PRKCD: variants seen among roughly 807,000 people sequenced by gnomAD.
PRKCD encodes the protein protein kinase C delta type.
A neutral mutation model predicts 82.2 loss-of-function variants in PRKCD; 20 were observed. That is an observed-to-expected ratio of 0.24 (90% CI 0.17 to 0.35). The LOEUF (loss-of-function observed/expected upper bound fraction) is 0.35, where lower values mean the gene tolerates loss of function less well. Among genes scored for constraint, PRKCD ranks in the 10% least tolerant of loss-of-function variants. The pLI, the probability that PRKCD is intolerant of heterozygous loss-of-function variation, is 1.00. For missense variants in PRKCD, 607 were observed against 899.0 expected (o/e 0.68, Z 4.15); for synonymous variants, 317 against 337.0 (o/e 0.94, Z 0.65).
At chr3:53,183,019 T>TG (rs1703508378) in intron 7 of PRKCD, 102 bp from the exon 8 acceptor site, 1 of 1,184,996 alleles carries the variant, frequency 8.4e-7, no homozygotes, top group Non-Finnish European at 1.2e-6. Context: ...AGGAGAACGG[T>TG]GGCTTTGTGT....
intron 4 of PRKCD, among the ~76,000 whole-genome samples, chr3:53,180,439 G>A (rs1217265463): frequency 2.0e-5 from 3 of 152,238 alleles, no homozygotes; most frequent in African/African-American, 7.2e-5. Flanking sequence ...ACTTGGCCAT[G>A]TGCAGCTGTG....
In PRKCD at chr3:53,178,551, C is replaced by T; in HGVS notation, c.115+14C>T. 1.2e-6 allele frequency: 2 copies of T among 1,605,834 alleles called. No homozygotes were observed. The highest frequency in any genetic ancestry group is 1.7e-6 in the Non-Finnish European group (2 of 1,175,270). On this transcript the variant is annotated intron_variant, in intron 3 of 18. Coordinates refer to ENST00000330452, the MANE Select transcript of PRKCD (RefSeq NM_006254.4). ...CGCTCAGCACAGGTAGGCCTGGAGGCTGGACCCTGGAGAGGGGCTGGGAAT... is the reference window on the plus strand; with the variant it reads ...CGCTCAGCACAGGTAGGCCTGGAGGTTGGACCCTGGAGAGGGGCTGGGAAT...
intron 7 of PRKCD, chr3:53,182,060 A>G (rs1300825279): frequency 4.2e-6 from 2 of 481,290 alleles, no homozygotes; most frequent in Non-Finnish European, 8.0e-6. Flanking sequence ...TAGGTCCTTT[A>G]CTGGCACATA....
At chr3:53,173,204 T>C (rs1703097491) in intron 2 of PRKCD, among the ~76,000 whole-genome samples, 2 of 152,228 alleles carry the variant, frequency 1.3e-5, no homozygotes, top group African/African-American at 4.8e-5. Flanking sequence ...CACGTGTGGA[T>C]GTGCAGCACA....
rs1437451277 is a variant in PRKCD, at chr3:53,178,512, G to T, written c.90G>T (p.Val30=). 1 of 1,613,210 alleles carries T rather than the reference G, an allele frequency of 6.2e-7. No individual in the cohort carries two copies. The highest frequency in any genetic ancestry group is 8.5e-7 in the Non-Finnish European group (1 of 1,179,840). The part of the protein sequence containing the change: ...EDEANQPFCA[V]KMKEALSTER... Reference sequence around the variant, plus strand: ...AGGCGAACCAGCCCTTCTGTGCCGTGAAGATGAAGGAGGCGCTCAGCACAG... The same window carrying T: ...AGGCGAACCAGCCCTTCTGTGCCGTTAAGATGAAGGAGGCGCTCAGCACAG... Residue 30 remains valine (V), a synonymous_variant, in exon 3 of 19, where the codon GTG becomes GTT. Transcript: ENST00000330452.
intron 2 of PRKCD, chr3:53,173,569 C>A (rs1162824399): frequency 6.6e-6 from 1 of 152,074 alleles, no homozygotes; most frequent in African/African-American, 2.4e-5. Context: ...GCAACCTCTA[C>A]CTCCCGGGTT....
intron 1 of PRKCD, among the ~76,000 whole-genome samples, chr3:53,162,818 T>C (rs1702718071): frequency 6.6e-6 from 1 of 151,872 alleles, no homozygotes; most frequent in Admixed American, 6.6e-5. Flanking sequence ...GTACGTTAGA[T>C]CTGTTAATTG....
chr3:53,182,063 G>A, intron 7 of PRKCD: 1 of 470,552 alleles, frequency 2.1e-6, no homozygotes, highest in Non-Finnish European at 4.1e-6. Context: ...GTCCTTTACT[G>A]GCACATAGTG....
chr3:53,186,278 G>A lies in PRKCD; in HGVS notation c.1198G>A (p.Val400Met). Residue 400 changes from valine (V) to methionine (M), a missense_variant, in exon 13 of 19, where the codon GTG becomes ATG. By Grantham distance (21) the Val-to-Met change is conservative. Transcript: ENST00000330452. ...DVECTMVEKR[V>M]LTLAAENPFL... is the part of the protein sequence containing the mutation. ...GGAGTGCACCATGGTTGAGAAGCGG[G>A]TGCTGACACTTGCCGCAGAGAATCC... The A allele has an allele frequency of 6.2e-7, 1 of 1,614,160 alleles. No individual in the cohort carries two copies. Among genetic ancestry groups the A allele is most frequent in the Non-Finnish European group, 8.5e-7 (1 of 1,180,020 alleles).
In PRKCD at chr3:53,192,215, C is replaced by T. The variant is rs2230497; in HGVS notation, c.1980C>T (p.Phe660=). Residue 660 remains phenylalanine (F), a synonymous_variant, in exon 19 of 19, where the codon TTC becomes TTT. Transcript: ENST00000330452. ...TCGACTCCATGGACCAGTCTGCATT[C>T]GCTGGCTTCTCCTTTGTGAACCCCA... The part of the protein sequence containing the change: ...NLIDSMDQSA[F]AGFSFVNPKF... 35 of 1,614,148 alleles carry T rather than the reference C, an allele frequency of 2.2e-5. No individual in the cohort carries two copies. In the African/African-American group the frequency reaches 2.9e-4, roughly 14 times the overall value.
chr3:53,163,632 C>A (rs1423727381), intron 1 of PRKCD, among the ~76,000 whole-genome samples: 1 of 152,104 alleles, frequency 6.6e-6, no homozygotes, highest in East Asian at 1.9e-4. Flanking sequence ...TCCTTTAACA[C>A]AATCTTGGCC....
In PRKCD at chr3:53,188,611, C is replaced by A. The variant is rs1326097135; in HGVS notation, c.1416-109C>A. The A allele has an allele frequency of 2.9e-6, 4 of 1,396,796 alleles. No individual in the cohort carries two copies. In the Admixed American group the frequency reaches 6.1e-5, roughly 21 times the overall value. 86.5% of individuals were successfully genotyped at this position (1,396,796 alleles called of 1,614,324 possible). ...CTTTTCTGTTTCTCATTCCCTTGTA[C>A]CCTTGGGGACAGTCCTGGACTAATA... is the stretch of plus-strand genomic sequence containing the variant. On this transcript the variant is annotated intron_variant, in intron 15 of 18. Transcript: ENST00000330452.
chr3:53,185,033 C>G, intron 10 of PRKCD, 59 bp downstream of exon 10: 2 of 1,448,808 alleles, frequency 1.4e-6, no homozygotes, highest in South Asian at 2.3e-5. Context: ...ACAGTCAAGG[C>G]TTACAGCCAC....
At chr3:53,166,574 ACACT>A (rs1221599154) in intron 2 of PRKCD, among the ~76,000 whole-genome samples, 1 of 152,218 alleles carries the variant, frequency 6.6e-6, no homozygotes, top group East Asian at 1.9e-4. Flanking sequence ...CACCCATGGC[ACACT>A]CACACACACA....
rs1327842167 is a variant in PRKCD, at chr3:53,179,711, G to A, written c.250G>A (p.Val84Met). 8 of 1,606,234 alleles carry A rather than the reference G, an allele frequency of 5.0e-6. No homozygotes were observed. Among genetic ancestry groups the A allele is most frequent in the South Asian group, 1.1e-5 (1 of 89,998 alleles). Residue 84 changes from valine to methionine, a missense_variant, in exon 4 of 19, where the codon GTG becomes ATG. Val to Met is a conservative substitution (Grantham distance 21, BLOSUM62 1). Transcript: ENST00000330452. ...GGCAGCAGAGGAGCCAGTGTCTGAG[G>A]TGACCGTGGGTGTGTCGGTGCTGGC... The part of the protein sequence containing the change: ...MRAAEEPVSE[V>M]TVGVSVLAER...
At position 53,178,512 on chromosome 3, in the gene PRKCD, G is replaced by A. The variant is rs1437451277; in HGVS notation, c.90G>A (p.Val30=). 2.5e-6 allele frequency: 4 copies of A among 1,613,210 alleles called. No individual in the cohort carries two copies. Among genetic ancestry groups the A allele is most frequent in the Non-Finnish European group, 2.5e-6 (3 of 1,179,840 alleles). The change falls in exon 3 of 19, where the codon GTG becomes GTA. Residue 30 remains valine, a synonymous_variant. Coordinates refer to ENST00000330452, the MANE Select transcript of PRKCD (RefSeq NM_006254.4). ...AGGCGAACCAGCCCTTCTGTGCCGT[G>A]AAGATGAAGGAGGCGCTCAGCACAG... ...EDEANQPFCA[V]KMKEALSTER...
Position 53,177,787 on chromosome 3 carries a change from AAG to A in PRKCD, c.-19-612_-19-611del, listed in dbSNP as rs560170998. Among the ~76,000 whole-genome samples the A allele has an allele frequency of 5.3e-5, 8 of 152,130 alleles. No homozygotes were observed. In the South Asian group the frequency reaches 1.5e-3, roughly 28 times the overall value. On this transcript the variant is annotated intron_variant, in intron 2 of 18. Transcript: ENST00000330452. ...CACCAGGGCCCAGGTAGGAGGAGTG[AAG>A]AGAGTGCCCCTGGCCTGGGGTAGAT...
chr3:53,171,250 C>T (rs1703018786), intron 2 of PRKCD, among the ~76,000 whole-genome samples: 2 of 152,208 alleles, frequency 1.3e-5, no homozygotes, highest in South Asian at 4.1e-4. Context: ...GAGCCCAGGA[C>T]TCCTCATATC....
intron 2 of PRKCD, among the ~76,000 whole-genome samples, chr3:53,174,285 G>C (rs1403113272): frequency 1.3e-5 from 2 of 152,204 alleles, no homozygotes; most frequent in Non-Finnish European, 2.9e-5. Flanking sequence ...AGCTGCCTCT[G>C]CTGTAGGCTG....
Sources: allele counts gnomAD v4.1 joint callset (sites outside exome capture counted in the v4.1 genomes callset), GRCh38; gene constraint gnomAD v4.1.1; transcripts MANE v1.5; gene names NCBI Gene and HGNC (gene_info 2026-07-23, HGNC 2026-07-21).